GPR171: variants seen among roughly 807,000 people sequenced by gnomAD.
The protein encoded by GPR171 is F730001G15Rik.
In GPR171, 14 loss-of-function variants were observed where a neutral mutation model predicts 16.7. The ratio of observed to expected loss-of-function variants is 0.84; its 90% CI spans 0.55 to 1.31. The LOEUF (loss-of-function observed/expected upper bound fraction) is 1.31, where lower values mean the gene tolerates loss of function less well. Ranked by LOEUF, GPR171 falls within the 40% of genes most tolerant of loss-of-function variation. GPR171 has a pLI of 0.00. For synonymous variants in GPR171, 134 were observed against 135.6 expected (o/e 0.99, Z 0.08); for missense variants, 337 against 378.9 (o/e 0.89, Z 0.92).
chr3:151,198,198 T>C lies in GPR171; in HGVS notation c.*229A>G. 1 of 390,142 alleles carries C rather than the reference T, an allele frequency of 2.6e-6. No homozygotes were observed. Among genetic ancestry groups the C allele is most frequent in the Admixed American group, 4.1e-5 (1 of 24,574 alleles). 24.2% of individuals were successfully genotyped at this position (390,142 alleles called of 1,614,324 possible). A position where few individuals can be genotyped will look rare whatever the true frequency, so the allele number is the denominator to read the frequency against. On this transcript the variant is annotated 3_prime_UTR_variant, in exon 3 of 3. Transcript: ENST00000309180. ...ATTTTACATTCGTTCAATGAGACTC[T>C]TTAGTTTTTTGTACAAATATTTGGG...
chr3:151,197,953 G>A lies in GPR171; in HGVS notation c.*474C>T, dbSNP rs1369739781. Reference sequence around the variant, plus strand: ...TACCATCTTTTGAAGTGATAGATTAGAAATAAAATAGGCACAAGTTGTTAT... The same window carrying A: ...TACCATCTTTTGAAGTGATAGATTAAAAATAAAATAGGCACAAGTTGTTAT... On this transcript the variant is annotated 3_prime_UTR_variant, in exon 3 of 3. Coordinates refer to ENST00000309180, the MANE Select transcript of GPR171 (RefSeq NM_013308.4). 1.3e-5 allele frequency: 2 copies of A among 152,692 alleles called. No individual in the cohort carries two copies. The highest frequency in any genetic ancestry group is 4.8e-5 in the African/African-American group (2 of 41,458). The allele number at this position is 152,692 out of a possible 1,614,324, so 9.5% of individuals were successfully genotyped here. A position where few individuals can be genotyped will look rare whatever the true frequency, so the allele number is the denominator to read the frequency against.
chr3:151,200,046 T>C (rs1240238664), intron 2 of GPR171, among the ~76,000 whole-genome samples: 1 of 152,174 alleles, frequency 6.6e-6, no homozygotes, highest in Non-Finnish European at 1.5e-5. Flanking sequence ...TACAAAATCC[T>C]TGGAGAAAGA....
In GPR171 at chr3:151,198,985, T is replaced by TA; in HGVS notation, c.401dup (p.Ser135IlefsTer35). On this transcript the variant is annotated frameshift_variant, in exon 3 of 3. Coordinates refer to ENST00000309180, the MANE Select transcript of GPR171 (RefSeq NM_013308.4). LOFTEE classifies it high-confidence loss of function. ...GGACCATTAGCCACACAACGGTTGA[T>TA]ATCATTTTGGCAAATCCGGGTTCTT... 1 of 1,614,052 alleles carries TA rather than the reference T, an allele frequency of 6.2e-7. No homozygotes were observed. Among genetic ancestry groups the TA allele is most frequent in the Non-Finnish European group, 8.5e-7 (1 of 1,179,978 alleles).
chr3:151,199,929 A>G (rs1725286147), intron 2 of GPR171, among the ~76,000 whole-genome samples: 1 of 151,948 alleles, frequency 6.6e-6, no homozygotes, highest in Admixed American at 6.6e-5. Context: ...TTGATGGAAA[A>G]TCTCCAGCCT....
intron 1 of GPR171, among the ~76,000 whole-genome samples, chr3:151,201,223 A>ACTCTCT (rs58729370): frequency 1.4e-5 from 2 of 147,982 alleles, no homozygotes; most frequent in South Asian, 2.1e-4. Context: ...ACGTGCACAC[A>ACTCTCT]CTCTCTCTCT....
At chr3:151,200,471 ATATAAGT>A (rs1725387171) in intron 2 of GPR171, among the ~76,000 whole-genome samples, 1 of 152,262 alleles carries the variant, frequency 6.6e-6, no homozygotes, top group Non-Finnish European at 1.5e-5. Context: ...AAAGAAGCAA[ATATAAGT>A]TATAGTGACC....
At chr3:151,202,537 G>C (rs1183699020) in intron 1 of GPR171, among the ~76,000 whole-genome samples, 1 of 152,200 alleles carries the variant, frequency 6.6e-6, no homozygotes, top group Non-Finnish European at 1.5e-5. Context: ...CAACGCGGTG[G>C]CGGGCACCTG....
chr3:151,198,188 A>G lies in GPR171; in HGVS notation c.*239T>C. The G allele has an allele frequency of 5.6e-6, 2 of 360,050 alleles. No individual in the cohort carries two copies. Among genetic ancestry groups the G allele is most frequent in the Non-Finnish European group, 5.0e-6 (1 of 200,254 alleles). 22.3% of individuals were successfully genotyped at this position (360,050 alleles called of 1,614,324 possible). A position where few individuals can be genotyped will look rare whatever the true frequency, so the allele number is the denominator to read the frequency against. ...ATATTGCAGGATTTTACATTCGTTCAATGAGACTCTTTAGTTTTTTGTACA... is the reference window on the plus strand; with the variant it reads ...ATATTGCAGGATTTTACATTCGTTCGATGAGACTCTTTAGTTTTTTGTACA... On this transcript the variant is annotated 3_prime_UTR_variant, in exon 3 of 3. Transcript: ENST00000309180.
rs1304909712 is a variant in GPR171 at position 151,198,604 on chromosome 3, A to G, written c.783T>C (p.Ile261=). 6.2e-7 allele frequency: 1 copy of G among 1,613,996 alleles called. No homozygotes were observed. The highest frequency in any genetic ancestry group is 8.5e-7 in the Non-Finnish European group (1 of 1,179,932). Residue 261 remains isoleucine, a synonymous_variant, in exon 3 of 3, where the codon ATT becomes ATC. Transcript: ENST00000309180. ...TAGCCTCTTTGGCTTTGAAGAGTGAAATCCTGGTTGAGCAATCAGTTATGA... is the reference window on the plus strand; with the variant it reads ...TAGCCTCTTTGGCTTTGAAGAGTGAGATCCTGGTTGAGCAATCAGTTATGA... ...TEVITDCSTR[I]SLFKAKEATL...
chr3:151,200,010 C>T (rs746467839), intron 2 of GPR171, among the ~76,000 whole-genome samples: 5 of 152,038 alleles, frequency 3.3e-5, no homozygotes, highest in African/African-American at 4.8e-5. Context: ...CCACAACTAC[C>T]AGAACATGGA....
At position 151,199,279 on chromosome 3, in the gene GPR171, G is replaced by A; in HGVS notation, c.108C>T (p.Thr36=). The A allele has an allele frequency of 6.2e-7, 1 of 1,613,742 alleles. No individual in the cohort carries two copies. The highest frequency in any genetic ancestry group is 1.3e-5 in the African/African-American group (1 of 74,914). ...LVGIIGSCFA[T]WAFIQKNTNH... ...TCGTATTCTTCTGTATAAAAGCCCAGGTTGCAAAACAACTTCCAATAATTC... is the reference window on the plus strand; with the variant it reads ...TCGTATTCTTCTGTATAAAAGCCCAAGTTGCAAAACAACTTCCAATAATTC... The change falls in exon 3 of 3, where the codon ACC becomes ACT. Residue 36 remains threonine, a synonymous_variant. Transcript: ENST00000309180.
intron 1 of GPR171, among the ~76,000 whole-genome samples, chr3:151,202,539 G>A (rs773208555): frequency 6.6e-6 from 1 of 152,026 alleles, no homozygotes; most frequent in Non-Finnish European, 1.5e-5. Flanking sequence ...ACGCGGTGGC[G>A]GGCACCTGTA....
In GPR171 at chr3:151,198,643, G is replaced by A; in HGVS notation, c.744C>T (p.Leu248=). The change falls in exon 3 of 3, where the codon CTC becomes CTT. Residue 248 remains leucine (L), a synonymous_variant. Transcript: ENST00000309180. ...PYHIVRIPYT[L]SQTEVITDCS... is the part of the protein sequence containing the mutation. ...AATCAGTTATGACTTCTGTCTGGCTGAGGGTATACGGGATTCGGACAATGT... is the reference window on the plus strand; with the variant it reads ...AATCAGTTATGACTTCTGTCTGGCTAAGGGTATACGGGATTCGGACAATGT... 1 of 1,614,026 alleles carries A rather than the reference G, an allele frequency of 6.2e-7. No homozygotes were observed. Among genetic ancestry groups the A allele is most frequent in the Non-Finnish European group, 8.5e-7 (1 of 1,179,908 alleles).
chr3:151,198,884 A>G lies in GPR171; in HGVS notation c.503T>C (p.Phe168Ser). Residue 168 changes from phenylalanine to serine, a missense_variant, in exon 3 of 3, where the codon TTT (phenylalanine) becomes TCT (serine). By Grantham distance (155) the Phe-to-Ser change is radical (BLOSUM62 -2). Coordinates refer to ENST00000309180, the MANE Select transcript of GPR171 (RefSeq NM_013308.4). Reference sequence around the variant, plus strand: ...CCAATTTCTTCCAAATTCCTTTTTAAACTCCATACAACCCACATTTGACTT... The same window carrying G: ...CCAATTTCTTCCAAATTCCTTTTTAGACTCCATACAACCCACATTTGACTT... The part of the protein sequence containing the change: ...KEKSNVGCME[F>S]KKEFGRNWHL... The G allele has an allele frequency of 6.2e-7, 1 of 1,614,136 alleles. No homozygotes were observed.
Position 151,199,073 on chromosome 3 carries a change from A to T in GPR171, c.314T>A (p.Leu105Ter). ...YINMYLSIIF[L>*]AFVSIDRCLQ... is the part of the protein sequence containing the mutation. ...ACAGCGGTCAATGCTGACAAATGCT[A>T]AGAAGATAATTGATAAATACATATT... Residue 105 changes from leucine to a stop codon, truncating the protein, a stop_gained, in exon 3 of 3, where the codon TTA (leucine) becomes TAA (stop). Transcript: ENST00000309180. LOFTEE classifies it high-confidence loss of function. 6.2e-7 allele frequency: 1 copy of T among 1,614,016 alleles called. No homozygotes were observed.
chr3:151,199,460 G>A (rs998122523), intron 2 of GPR171, 21 bp from the exon 3 acceptor site: 61 of 1,284,810 alleles, frequency 4.7e-5, no homozygotes, highest in Non-Finnish European at 6.4e-5. Flanking sequence ...AACAAGGAAA[G>A]GGAGGTTAGT....
intron 2 of GPR171, among the ~76,000 whole-genome samples, chr3:151,199,991 CAAAA>C (rs768550322): frequency 3.3e-5 from 5 of 151,952 alleles, no homozygotes; most frequent in African/African-American, 7.2e-5. Context: ...AAAAAACAAA[CAAAA>C]AAACCCACAA....
At chr3:151,200,454 C>T (rs1426766241) in intron 2 of GPR171, among the ~76,000 whole-genome samples, 2 of 152,136 alleles carry the variant, frequency 1.3e-5, no homozygotes, top group Non-Finnish European at 2.9e-5. Flanking sequence ...ATAATACAAC[C>T]TTTTTAAAAG....
intron 2 of GPR171, 138 bp from the exon 3 acceptor site, chr3:151,199,577 GGT>G: frequency 1.8e-6 from 1 of 549,576 alleles, no homozygotes; most frequent in Non-Finnish European, 3.2e-6. Flanking sequence ...CATATGGCCT[GGT>G]GAGAACATAC....
Sources: gnomAD v4.1 joint callset for allele counts (sites outside exome capture counted in the v4.1 genomes callset) on GRCh38, gnomAD v4.1.1 for gene constraint, MANE v1.5 for transcripts, NCBI Gene and HGNC (gene_info 2026-07-23, HGNC 2026-07-21) for gene names.